The following S100A8 variants were observed in gnomAD, a reference collection of about 807,000 sequenced individuals.
S100A8 encodes S100 calcium binding protein A8.
S100A8 carries 1 observed loss-of-function variant against 4.2 expected under a neutral mutation model. The observed-to-expected ratio is 0.24, with a 90% CI of 0.08 to 1.12. S100A8 has a LOEUF of 1.12. Among genes scored for constraint, S100A8 ranks in the 50% most tolerant of loss-of-function variants. S100A8 has a pLI of 0.53. For missense variants in S100A8, 96 were observed against 111.8 expected (o/e 0.86, Z 0.64); for synonymous variants, 41 against 44.7 (o/e 0.92, Z 0.33).
the S100A8 span, among the ~76,000 whole-genome samples, chr1:153,399,346 C>T: frequency 6.6e-6 from 1 of 152,214 alleles, no homozygotes; most frequent in Non-Finnish European, 1.5e-5. Context: ...CAACCAGTTT[C>T]AGGGGCCCAC....
chr1:153,405,029 T>G, the S100A8 span, among the ~76,000 whole-genome samples: 1 of 151,974 alleles, frequency 6.6e-6, no homozygotes, highest in Non-Finnish European at 1.5e-5. Context: ...GAACAGCCCT[T>G]ACAGTGTAAG....
chr1:153,418,512 G>C, the S100A8 span, among the ~76,000 whole-genome samples: 1 of 152,274 alleles, frequency 6.6e-6, no homozygotes, highest in Admixed American at 6.5e-5. Context: ...CCCTCTCTCT[G>C]TGAGACTGAA....
At chr1:153,419,533 G>T in the S100A8 span, 27 of 582,148 alleles carry the variant, frequency 4.6e-5, no homozygotes, top group East Asian at 3.7e-4. Context: ...GAGCTGATCT[G>T]CCTCTCACAC....
chr1:153,407,281 T>C, the S100A8 span, among the ~76,000 whole-genome samples: 1 of 152,192 alleles, frequency 6.6e-6, no homozygotes, highest in African/African-American at 2.4e-5. Context: ...ATACTGTGCT[T>C]TTTCAGTGGT....
the S100A8 span, chr1:153,419,424 T>C: frequency 5.8e-6 from 7 of 1,200,362 alleles, no homozygotes; most frequent in African/African-American, 6.2e-5. Flanking sequence ...AAACTACCAA[T>C]TCCAGGTTAA....
At chr1:153,418,801 C>A in the S100A8 span, among the ~76,000 whole-genome samples, 1 of 152,120 alleles carries the variant, frequency 6.6e-6, no homozygotes, top group African/African-American at 2.4e-5. Flanking sequence ...AATTTTGAGG[C>A]CCTGGGGTAG....
the S100A8 span, among the ~76,000 whole-genome samples, chr1:153,408,080 G>A: frequency 5.3e-5 from 8 of 152,178 alleles, no homozygotes; most frequent in African/African-American, 1.4e-4. Context: ...CCAAAGGAAC[G>A]CAGCTCCTCA....
Position 153,390,194 on chromosome 1 carries a change from C to T in S100A8, c.191G>A (p.Gly64Asp). ...WFKELDINTDGAVNFQEFLIL... is the reference protein window; with the variant it reads ...WFKELDINTDDAVNFQEFLIL... The stretch of plus-strand genomic sequence containing the variant: ...GAGGAACTCCTGGAAGTTAACTGCA[C>T]CATCAGTGTTGATATCCAACTCTTT... Residue 64 changes from glycine (G) to aspartate (D), a missense_variant, in exon 3 of 3, where the codon GGT becomes GAT. Gly to Asp is a moderately conservative substitution (Grantham distance 94). Coordinates refer to ENST00000368733, the MANE Select transcript of S100A8 (RefSeq NM_002964.5). 2 of 1,614,108 alleles carry T rather than the reference C, an allele frequency of 1.2e-6. No homozygotes were observed. The highest frequency in any genetic ancestry group is 1.7e-6 in the Non-Finnish European group (2 of 1,179,952).
the S100A8 span, among the ~76,000 whole-genome samples, chr1:153,409,961 C>G: frequency 6.6e-6 from 1 of 152,208 alleles, no homozygotes; most frequent in South Asian, 2.1e-4. Flanking sequence ...ACCAGAATCT[C>G]TGGGACACAT....
intron 1 of S100A8, 35 bp downstream of exon 1, chr1:153,391,006 C>A: frequency 1.0e-6 from 1 of 989,942 alleles, no homozygotes; most frequent in Middle Eastern, 5.2e-4. Context: ...AAGAGAAGCC[C>A]AAAGTGCGGG....
At chr1:153,397,858 G>A in the S100A8 span, among the ~76,000 whole-genome samples, 5 of 152,124 alleles carry the variant, frequency 3.3e-5, no homozygotes, top group East Asian at 1.9e-4. Context: ...CCCCAGGGCC[G>A]CCTTCTGTGT....
the S100A8 span, among the ~76,000 whole-genome samples, chr1:153,402,582 G>T: frequency 6.6e-6 from 1 of 152,098 alleles, no homozygotes; most frequent in African/African-American, 2.4e-5. Context: ...AAGCCAACGA[G>T]GACTTTGCAA....
At chr1:153,417,921 T>C in the S100A8 span, 2 of 992,290 alleles carry the variant, frequency 2.0e-6, no homozygotes, top group Non-Finnish European at 2.8e-6. Flanking sequence ...TTGAACAACT[T>C]ATCCCATCAC....
the S100A8 span, among the ~76,000 whole-genome samples, chr1:153,403,143 G>A: frequency 4.8e-3 from 732 of 152,320 alleles, 3 homozygotes; most frequent in African/African-American, 0.017. Flanking sequence ...AGCCTCAGTA[G>A]CATATGCAAA....
chr1:153,421,446 T>C, the S100A8 span: 1 of 152,266 alleles, frequency 6.6e-6, no homozygotes. Flanking sequence ...CACATAGTAG[T>C]ACTGGATTCC....
At chr1:153,397,241 T>C in the S100A8 span, among the ~76,000 whole-genome samples, 2 of 152,228 alleles carry the variant, frequency 1.3e-5, no homozygotes, top group Admixed American at 1.3e-4. Context: ...CCCTCGAGTC[T>C]GCATCCCCAG....
upstream of S100A8, among the ~76,000 whole-genome samples, chr1:153,392,860 A>T (rs1662134065): frequency 6.6e-6 from 1 of 152,218 alleles, no homozygotes; most frequent in Non-Finnish European, 1.5e-5. Context: ...GGGACCCAGC[A>T]CAGTGCCCAG....
chr1:153,394,323 A>G (rs781007985), upstream of S100A8, among the ~76,000 whole-genome samples: 1 of 152,146 alleles, frequency 6.6e-6, no homozygotes, highest in Non-Finnish European at 1.5e-5. Context: ...ATGCCTGTGG[A>G]GCCCAGCACT....
At chr1:153,402,827 A>G in the S100A8 span, among the ~76,000 whole-genome samples, 3 of 152,066 alleles carry the variant, frequency 2.0e-5, no homozygotes, top group Non-Finnish European at 4.4e-5. Flanking sequence ...TGAAAAAGAA[A>G]AGACATGGGA....
Sources: allele counts gnomAD v4.1 joint callset (sites outside exome capture counted in the v4.1 genomes callset), GRCh38; gene constraint gnomAD v4.1.1; transcripts MANE v1.5; gene names NCBI Gene and HGNC (gene_info 2026-07-23, HGNC 2026-07-21).